The following IMPG1 variants were observed in gnomAD, a reference collection of about 807,000 sequenced individuals.
IMPG1 encodes the protein interphotoreceptor matrix proteoglycan 1.
A neutral mutation model predicts 92.0 loss-of-function variants in IMPG1; 85 were observed. The ratio of observed to expected loss-of-function variants is 0.92; its 90% confidence interval spans 0.78 to 1.11. The LOEUF (loss-of-function observed/expected upper bound fraction) is 1.11, where lower values mean the gene tolerates loss of function less well. IMPG1 is among the 50% of genes least tolerant of loss of function. The probability of loss-of-function intolerance (pLI) is 0.00; values close to 1 mark genes in which losing one functional copy is unlikely to be tolerated. For synonymous variants in IMPG1, 367 were observed against 334.1 expected (o/e 1.10, Z -1.08); for missense variants, 1,022 against 956.0 (o/e 1.07, Z -0.91).
rs186724006 is a variant in IMPG1 at position 75,923,733 on chromosome 6, T to C, written c.2244-27A>G. 1.3e-3 allele frequency: 1,846 copies of C among 1,393,756 alleles called. 20 individuals carry two copies. The highest frequency in any genetic ancestry group is 1.2e-3 in the Admixed American group (67 of 57,216). 86.3% of individuals were successfully genotyped at this position (1,393,756 alleles called of 1,614,324 possible). Reference sequence around the variant, plus strand: ...TACAAAAGAAAGCAAAAACATAGTATCTTGTTTCTTGGGCTTATCAACATT... The same window carrying C: ...TACAAAAGAAAGCAAAAACATAGTACCTTGTTTCTTGGGCTTATCAACATT... On this transcript the variant is annotated intron_variant, in intron 15 of 16. Coordinates refer to ENST00000369950, the MANE Select transcript of IMPG1 (RefSeq NM_001563.4).
At chr6:76,048,703 C>T (rs886766088) in intron 1 of IMPG1, among the ~76,000 whole-genome samples, 1 of 152,184 alleles carries the variant, frequency 6.6e-6, no homozygotes, top group African/African-American at 2.4e-5. Flanking sequence ...CTCTCTATAG[C>T]ATGTTTCCTC....
intron 8 of IMPG1, among the ~76,000 whole-genome samples, chr6:76,008,360 G>A (rs1203895472): frequency 6.6e-6 from 1 of 152,180 alleles, no homozygotes; most frequent in Non-Finnish European, 1.5e-5. Flanking sequence ...GCTATGTCCA[G>A]CTTTCTCCTT....
chr6:76,027,445 T>G (rs76795392), intron 4 of IMPG1, among the ~76,000 whole-genome samples: 1 of 152,346 alleles, frequency 6.6e-6, no homozygotes, highest in Non-Finnish European at 1.5e-5. Flanking sequence ...TACCATGTAA[T>G]TGAAACTACT....
intron 12 of IMPG1, among the ~76,000 whole-genome samples, chr6:75,999,693 A>T (rs1782954825): frequency 6.6e-6 from 1 of 152,206 alleles, no homozygotes; most frequent in African/African-American, 2.4e-5. Flanking sequence ...CTGATTATGA[A>T]AGCATATGGA....
chr6:76,009,829 G>C (rs1345977845), intron 8 of IMPG1, among the ~76,000 whole-genome samples: 1 of 152,160 alleles, frequency 6.6e-6, no homozygotes, highest in African/African-American at 2.4e-5. Flanking sequence ...AAGGGAGGTG[G>C]ATAATGAACA....
At chr6:76,034,251 C>T (rs553622812) in intron 4 of IMPG1, 64 bp downstream of exon 4, 24 of 1,482,952 alleles carry the variant, frequency 1.6e-5, no homozygotes, top group Middle Eastern at 1.7e-4. Context: ...CTTAGTTTCA[C>T]TCCATTATAT....
chr6:76,060,174 A>G (rs1308278828), intron 1 of IMPG1, among the ~76,000 whole-genome samples: 2 of 152,194 alleles, frequency 1.3e-5, no homozygotes, highest in African/African-American at 4.8e-5. Flanking sequence ...ATGAAGTCGG[A>G]ATGAATTAAG....
At chr6:76,060,723 A>G (rs1210446079) in intron 1 of IMPG1, among the ~76,000 whole-genome samples, 1 of 152,054 alleles carries the variant, frequency 6.6e-6, no homozygotes, top group East Asian at 1.9e-4. Flanking sequence ...GTGTTTTTCT[A>G]AGGCTTGGTA....
intron 1 of IMPG1, among the ~76,000 whole-genome samples, chr6:76,053,785 C>T (rs1265678027): frequency 6.6e-6 from 1 of 152,016 alleles, no homozygotes; most frequent in Non-Finnish European, 1.5e-5. Flanking sequence ...TTTTACAAAC[C>T]ACACACTACT....
At chr6:75,944,509 T>A (rs1224821000) in intron 14 of IMPG1, among the ~76,000 whole-genome samples, 1 of 152,238 alleles carries the variant, frequency 6.6e-6, no homozygotes, top group East Asian at 1.9e-4. Flanking sequence ...TGCTTAATGA[T>A]GTTCTAAGCA....
chr6:76,030,729 T>C (rs1488788248), intron 4 of IMPG1, among the ~76,000 whole-genome samples: 1 of 152,214 alleles, frequency 6.6e-6, no homozygotes, highest in Non-Finnish European at 1.5e-5. Flanking sequence ...GAGGAAGCTC[T>C]GACTGCTTTT....
At chr6:76,002,812 C>G in intron 12 of IMPG1, 106 bp downstream of exon 12, 1 of 840,982 alleles carries the variant, frequency 1.2e-6, no homozygotes, top group South Asian at 1.5e-5. Flanking sequence ...TGAACCTTTT[C>G]CTGGGTTCGG....
At chr6:76,036,296 T>C (rs1197191006) in intron 2 of IMPG1, among the ~76,000 whole-genome samples, 3 of 152,200 alleles carry the variant, frequency 2.0e-5, no homozygotes, top group African/African-American at 7.2e-5. Context: ...ATCACTTTGA[T>C]CCAGAGGCAG....
chr6:76,043,184 C>T (rs541319586), intron 1 of IMPG1, among the ~76,000 whole-genome samples: 5 of 152,050 alleles, frequency 3.3e-5, no homozygotes, highest in African/African-American at 1.2e-4. Context: ...CCATCTCTTT[C>T]CTTTTATCCA....
chr6:76,024,650 T>G (rs1193607220), intron 5 of IMPG1, among the ~76,000 whole-genome samples: 3 of 145,464 alleles, frequency 2.1e-5, no homozygotes, highest in African/African-American at 7.3e-5. Context: ...CCATAGTGTT[T>G]GACTTAGTAA....
chr6:76,066,962 C>G (rs1784319896), intron 1 of IMPG1, among the ~76,000 whole-genome samples: 1 of 151,764 alleles, frequency 6.6e-6, no homozygotes, highest in Admixed American at 6.6e-5. Context: ...GGGTCAATGA[C>G]AAAATTAACA....
At chr6:76,069,722 C>T (rs1405569944) in intron 1 of IMPG1, among the ~76,000 whole-genome samples, 1 of 140,982 alleles carries the variant, frequency 7.1e-6, no homozygotes, top group Non-Finnish European at 1.5e-5. Flanking sequence ...TGGAATCAAC[C>T]TAGGTGCCCA....
intron 12 of IMPG1, among the ~76,000 whole-genome samples, chr6:75,960,666 TTGTAAG>T (rs1451804299): frequency 3.9e-5 from 6 of 152,202 alleles, no homozygotes; most frequent in Non-Finnish European, 4.4e-5. Flanking sequence ...TTATCACTAT[TTGTAAG>T]TGTATTTTAA....
intron 2 of IMPG1, among the ~76,000 whole-genome samples, chr6:76,037,681 A>C (rs1400586142): frequency 2.6e-5 from 4 of 152,218 alleles, no homozygotes; most frequent in Non-Finnish European, 5.9e-5. Context: ...TCTTTCTTAC[A>C]TATTCCACAC....
Sources: gnomAD v4.1 joint callset for allele counts (sites outside exome capture counted in the v4.1 genomes callset) on GRCh38, gnomAD v4.1.1 for gene constraint, MANE v1.5 for transcripts, NCBI Gene and HGNC (gene_info 2026-07-23, HGNC 2026-07-21) for gene names.